GTF3C4: variants seen among roughly 807,000 people sequenced by gnomAD.
The protein encoded by GTF3C4 is general transcription factor IIIC subunit 4, also known as general transcription factor 3C polypeptide 4.
In GTF3C4, 28 loss-of-function variants were observed where a neutral mutation model predicts 67.5. The ratio of observed to expected loss-of-function variants is 0.41; its 90% CI spans 0.31 to 0.57. GTF3C4 has a LOEUF of 0.57. GTF3C4 is among the 20% of genes least tolerant of loss of function. GTF3C4 has a pLI of 0.21. For missense variants in GTF3C4, 831 were observed against 1,033.2 expected (o/e 0.80, Z 2.68); for synonymous variants, 409 against 393.0 (o/e 1.04, Z -0.48).
rs72145516 is a variant in GTF3C4 at position 132,675,895 on chromosome 9, C to CTTTTTTT, written c.358-2067_358-2061dup. On this transcript the variant is annotated intron_variant, in intron 1 of 4. Coordinates refer to ENST00000372146, the MANE Select transcript of GTF3C4 (RefSeq NM_012204.4). ...ATAAGAATAGACTATTCCAGTTACC[C>CTTTTTTT]TTTTTTTTTTTTTTTTTTTTTGAGA... Among the ~76,000 whole-genome samples the CTTTTTTT allele has an allele frequency of 3.1e-4, 28 of 89,030 alleles. 2 individuals are homozygous for CTTTTTTT. Among genetic ancestry groups the CTTTTTTT allele is most frequent in the East Asian group, 7.5e-4 (2 of 2,668 alleles). 58.4% of individuals were successfully genotyped at this position (89,030 alleles called of 152,430 possible).
At chr9:132,673,066 C>T (rs1011696654) in intron 1 of GTF3C4, among the ~76,000 whole-genome samples, 1 of 152,148 alleles carries the variant, frequency 6.6e-6, no homozygotes, top group Non-Finnish European at 1.5e-5. Context: ...CGCCTGTAGT[C>T]CTAGCTACTG....
At chr9:132,676,839 A>C (rs1431550502) in intron 1 of GTF3C4, among the ~76,000 whole-genome samples, 1 of 152,128 alleles carries the variant, frequency 6.6e-6, no homozygotes, top group Admixed American at 6.5e-5. Flanking sequence ...CCTTTTAATC[A>C]TGTTCTACCC....
intron 1 of GTF3C4, among the ~76,000 whole-genome samples, chr9:132,676,550 G>T (rs1404762422): frequency 6.6e-6 from 1 of 151,226 alleles, no homozygotes; most frequent in Admixed American, 6.6e-5. Flanking sequence ...CAAACTCCTG[G>T]TCTCCAGTGA....
intron 2 of GTF3C4, among the ~76,000 whole-genome samples, chr9:132,682,449 G>C (rs2130899607): frequency 6.6e-6 from 1 of 151,570 alleles, no homozygotes; most frequent in South Asian, 2.1e-4. Flanking sequence ...TTCGAAACTA[G>C]AAGGGCGCTA....
At chr9:132,677,911 T>C in intron 1 of GTF3C4, 66 bp from the exon 2 acceptor site, 4 of 1,294,966 alleles carry the variant, frequency 3.1e-6, no homozygotes, top group Admixed American at 2.2e-5. Context: ...TTCTGACTTA[T>C]TTTAAAAAAT....
intron 1 of GTF3C4, among the ~76,000 whole-genome samples, chr9:132,672,956 G>T (rs1360415752): frequency 6.6e-6 from 1 of 152,158 alleles, no homozygotes; most frequent in African/African-American, 2.4e-5. Flanking sequence ...AGGCCGAGGC[G>T]AGCGGATCAC....
chr9:132,679,772 C>A lies in GTF3C4; in HGVS notation c.2153C>A (p.Ser718Tyr), dbSNP rs1835914206. Residue 718 changes from serine to tyrosine, a missense_variant, in exon 2 of 5, where the codon TCT becomes TAT. Physicochemically the swap from Ser to Tyr is moderately radical, Grantham distance 144. Coordinates refer to ENST00000372146, the MANE Select transcript of GTF3C4 (RefSeq NM_012204.4). This position sits in a 1 kb window ranked among gnomAD's most constrained non-coding sequence, Gnocchi z 5.9. The part of the protein sequence containing the change: ...PTRGLCNFLM[S>Y]DEEYDDRTAR... ...CGCGGACTCTGTAACTTTTTAATGT[C>A]TGATGAAGAGTATGATGACAGAACT... 9 of 1,611,608 alleles carry A rather than the reference C, an allele frequency of 5.6e-6. No homozygotes were observed. The highest frequency in any genetic ancestry group is 1.3e-5 in the African/African-American group (1 of 74,834).
In GTF3C4 at chr9:132,671,930, TCGTAAA is replaced by T. The variant is rs2130892014; in HGVS notation, c.357+977_357+982del. The stretch of plus-strand genomic sequence containing the variant: ...GCACATAGAGAACATGTTTATGTGT[TCGTAAA>T]CTCTTATTTTGGAAAACCATTGAAA... On this transcript the variant is annotated intron_variant, in intron 1 of 4. Transcript: ENST00000372146. 2.0e-5 allele frequency among the ~76,000 whole-genome samples: 3 copies of T among 152,354 alleles called. No homozygotes were observed. In the East Asian group the frequency reaches 5.8e-4, roughly 29 times the overall value.
rs1836122977 is a variant in GTF3C4, at chr9:132,692,070, C to T, written c.*3125C>T. 6.6e-6 allele frequency: 1 copy of T among 152,150 alleles called. No individual in the cohort carries two copies. The highest frequency in any genetic ancestry group is 6.5e-5 in the Admixed American group (1 of 15,270). The allele number at this position is 152,150 out of a possible 1,614,324, so 9.4% of individuals were successfully genotyped here. A position where few individuals can be genotyped will look rare whatever the true frequency, so the allele number is the denominator to read the frequency against. ...CTGCCTCAGAGTTTGTGAATTGCTG[C>T]AATTCCTGGAATGGAAACAGGAATT... On this transcript the variant is annotated 3_prime_UTR_variant, in exon 5 of 5. Coordinates refer to ENST00000372146, the MANE Select transcript of GTF3C4 (RefSeq NM_012204.4).
intron 1 of GTF3C4, among the ~76,000 whole-genome samples, chr9:132,671,703 C>G (rs1385698795): frequency 7.6e-6 from 1 of 131,780 alleles, no homozygotes; most frequent in Non-Finnish European, 1.6e-5. Context: ...GAGGTGTACG[C>G]TTACATGTGA....
intron 4 of GTF3C4, 149 bp from the exon 5 acceptor site, chr9:132,688,732 A>G: frequency 1.6e-6 from 1 of 614,254 alleles, no homozygotes; most frequent in Non-Finnish European, 3.0e-6. Flanking sequence ...AGCCCAAAGA[A>G]GTGAAGTGCT....
chr9:132,688,135 G>A (rs1156651538), intron 4 of GTF3C4, among the ~76,000 whole-genome samples: 1 of 152,176 alleles, frequency 6.6e-6, no homozygotes, highest in Non-Finnish European at 1.5e-5. Flanking sequence ...ATACACAAAA[G>A]GAAAGAGAAG....
Position 132,679,075 on chromosome 9 carries a change from G to A in GTF3C4, c.1456G>A (p.Gly486Ser), listed in dbSNP as rs755530765. The change falls in exon 2 of 5, where the codon GGT (glycine) becomes AGT (serine). Residue 486 changes from glycine (G) to serine (S), a missense_variant. By Grantham distance (56) the Gly-to-Ser change is moderately conservative (BLOSUM62 0). Coordinates refer to ENST00000372146, the MANE Select transcript of GTF3C4 (RefSeq NM_012204.4). This position sits in a 1 kb window ranked among gnomAD's most constrained non-coding sequence, Gnocchi z 5.9. Reference sequence around the variant, plus strand: ...TCACGGGATAGCAGTGAGCCCCTGCGGTGCATACCTGGCCATCATCACCAC... The same window carrying A: ...TCACGGGATAGCAGTGAGCCCCTGCAGTGCATACCTGGCCATCATCACCAC... ...RTHGIAVSPC[G>S]AYLAIITTEG... is the part of the protein sequence containing the mutation. The A allele has an allele frequency of 3.7e-6, 6 of 1,614,114 alleles. No individual in the cohort carries two copies. Among genetic ancestry groups the A allele is most frequent in the Admixed American group, 1.7e-5 (1 of 60,002 alleles).
chr9:132,683,439 T>A (rs1159808803), intron 2 of GTF3C4, 124 bp from the exon 3 acceptor site: 1 of 799,808 alleles, frequency 1.3e-6, no homozygotes, highest in African/African-American at 1.8e-5. Context: ...ATCTCCTGTC[T>A]TCTGTAAAAT....
intron 1 of GTF3C4, among the ~76,000 whole-genome samples, chr9:132,671,965 T>C (rs1042532906): frequency 6.6e-6 from 1 of 152,210 alleles, no homozygotes; most frequent in Non-Finnish European, 1.5e-5. Context: ...ATTGAAAATA[T>C]GAGTCATTAG....
chr9:132,679,654 G>A lies in GTF3C4; in HGVS notation c.2035G>A (p.Val679Met), dbSNP rs1835912971. 5 of 1,614,216 alleles carry A rather than the reference G, an allele frequency of 3.1e-6. No homozygotes were observed. Among genetic ancestry groups the A allele is most frequent in the African/African-American group, 2.7e-5 (2 of 75,058 alleles). ...LLEIQGKIEA[V>M]EMHLTREHMK... Reference sequence around the variant, plus strand: ...GGAAATCCAAGGGAAAATCGAAGCTGTGGAGATGCACTTGACCAGGGAACA... The same window carrying A: ...GGAAATCCAAGGGAAAATCGAAGCTATGGAGATGCACTTGACCAGGGAACA... Residue 679 changes from valine to methionine, a missense_variant, in exon 2 of 5, where the codon GTG (valine) becomes ATG (methionine). Val to Met is a conservative substitution (Grantham distance 21). This residue lies in a region of GTF3C4 where 129 missense variants were observed against 213.8 expected (regional missense o/e 0.60). Coordinates refer to ENST00000372146, the MANE Select transcript of GTF3C4 (RefSeq NM_012204.4). The surrounding 1 kb of genome is among the most constrained non-coding windows in gnomAD (Gnocchi z 5.9).
intron 1 of GTF3C4, among the ~76,000 whole-genome samples, chr9:132,676,216 A>G (rs1196539342): frequency 1.3e-5 from 2 of 151,544 alleles, no homozygotes; most frequent in African/African-American, 4.9e-5. Context: ...GCTTGTTTCT[A>G]ATCATCACTC....
Position 132,679,211 on chromosome 9 carries a change from A to G in GTF3C4, c.1592A>G (p.Gln531Arg). Residue 531 changes from glutamine to arginine, a missense_variant, in exon 2 of 5, where the codon CAA becomes CGA. Physicochemically the swap from Gln to Arg is conservative, Grantham distance 43. Around this residue, in one of 4 missense-constraint regions of GTF3C4, gnomAD observed 390 missense variants for 540.3 expected, o/e 0.72. Transcript: ENST00000372146. The surrounding 1 kb of genome is among the most constrained non-coding windows in gnomAD (Gnocchi z 5.9). Reference protein sequence around the residue: ...AAAQLLESSVQNLFKQVDLID... With the variant: ...AAAQLLESSVRNLFKQVDLID... ...GCTCAGCTCCTGGAATCTTCAGTTC[A>G]AAACCTTTTTAAGCAGGTAGATTTA... is the stretch of plus-strand genomic sequence containing the variant. The G allele has an allele frequency of 6.2e-7, 1 of 1,614,204 alleles. No individual in the cohort carries two copies. The highest frequency in any genetic ancestry group is 1.3e-5 in the African/African-American group (1 of 75,054).
chr9:132,674,714 A>G (rs1197892210), intron 1 of GTF3C4, among the ~76,000 whole-genome samples: 1 of 152,196 alleles, frequency 6.6e-6, no homozygotes, highest in Non-Finnish European at 1.5e-5. Flanking sequence ...GCATACTTTT[A>G]TTAGCATTAA....
Sources: gnomAD v4.1 joint callset for allele counts (sites outside exome capture counted in the v4.1 genomes callset) on GRCh38, gnomAD v4.1.1 for gene constraint, gnomAD v4.1.1 regional missense constraint, Gnocchi (gnomAD v3.1) non-coding constraint, MANE v1.5 for transcripts, NCBI Gene and HGNC (gene_info 2026-07-23, HGNC 2026-07-21) for gene names.